GPC5: variants seen among roughly 807,000 people sequenced by gnomAD.
The protein encoded by GPC5 is glypican 5.
A neutral mutation model predicts 53.9 loss-of-function variants in GPC5; 47 were observed. That is an observed-to-expected ratio of 0.87 (90% CI 0.69 to 1.11). GPC5 has a LOEUF of 1.11. GPC5 is among the 50% of genes most tolerant of loss of function. GPC5 has a pLI of 0.00. For synonymous variants in GPC5, 286 were observed against 263.3 expected (o/e 1.09, Z -0.84); for missense variants, 748 against 713.1 (o/e 1.05, Z -0.56).
intron 7 of GPC5, among the ~76,000 whole-genome samples, chr13:92,407,633 A>G (rs1213296056): frequency 6.6e-6 from 1 of 152,178 alleles, no homozygotes; most frequent in Non-Finnish European, 1.5e-5. Flanking sequence ...ATATGTAGCT[A>G]TACATATGGT....
At chr13:92,694,616 G>A (rs895436541) in intron 7 of GPC5, among the ~76,000 whole-genome samples, 1 of 152,158 alleles carries the variant, frequency 6.6e-6, no homozygotes, top group South Asian at 2.1e-4. Flanking sequence ...TTTACCCGGT[G>A]CCTGTACCCA....
At chr13:92,763,796 G>T (rs1400821496) in intron 7 of GPC5, among the ~76,000 whole-genome samples, 1 of 152,172 alleles carries the variant, frequency 6.6e-6, no homozygotes, top group Admixed American at 6.5e-5. Flanking sequence ...GTGGGAGAAG[G>T]ACACAGCACT....
intron 6 of GPC5, among the ~76,000 whole-genome samples, chr13:91,921,895 T>C (rs527988995): frequency 6.6e-6 from 1 of 152,098 alleles, no homozygotes; most frequent in East Asian, 1.9e-4. Context: ...CTTTTGAGCC[T>C]AGGAGTTCAA....
At chr13:91,727,551 G>T (rs571573068) in intron 3 of GPC5, among the ~76,000 whole-genome samples, 1 of 151,890 alleles carries the variant, frequency 6.6e-6, no homozygotes, top group African/African-American at 2.4e-5. Flanking sequence ...AATAAATATG[G>T]GTAAAATAAA....
chr13:91,606,440 G>C (rs2033370298), intron 2 of GPC5, among the ~76,000 whole-genome samples: 1 of 151,066 alleles, frequency 6.6e-6, no homozygotes, highest in Non-Finnish European at 1.5e-5. Flanking sequence ...TCTCTGCCTG[G>C]CTTTGGTATC....
At chr13:91,875,484 A>G (rs1249921153) in intron 5 of GPC5, among the ~76,000 whole-genome samples, 2 of 152,216 alleles carry the variant, frequency 1.3e-5, no homozygotes, top group South Asian at 4.1e-4. Context: ...ATAATTTCAA[A>G]GAGAGATACT....
intron 7 of GPC5, among the ~76,000 whole-genome samples, chr13:92,254,464 G>A (rs1566505941): frequency 6.6e-6 from 1 of 152,100 alleles, no homozygotes; most frequent in Non-Finnish European, 1.5e-5. Flanking sequence ...GGAACAACTT[G>A]TACCAGAAAA....
At chr13:92,549,057 A>G (rs1594296151) in intron 7 of GPC5, among the ~76,000 whole-genome samples, 2 of 152,236 alleles carry the variant, frequency 1.3e-5, no homozygotes, top group African/African-American at 4.8e-5. Context: ...TTTTCTGGCT[A>G]TATTTAAAAT....
intron 6 of GPC5, among the ~76,000 whole-genome samples, chr13:91,925,935 G>C (rs1228095767): frequency 6.6e-6 from 1 of 152,128 alleles, no homozygotes; most frequent in Admixed American, 6.5e-5. Flanking sequence ...ACTTCAATTA[G>C]AATATAATTA....
chr13:91,584,582 A>C (rs1489450853), intron 2 of GPC5, among the ~76,000 whole-genome samples: 1 of 151,802 alleles, frequency 6.6e-6, no homozygotes, highest in Non-Finnish European at 1.5e-5. Flanking sequence ...AAAACCAAGA[A>C]CTTTTTTTTT....
At chr13:91,581,809 A>T (rs2032372527) in intron 2 of GPC5, among the ~76,000 whole-genome samples, 1 of 152,136 alleles carries the variant, frequency 6.6e-6, no homozygotes, top group Non-Finnish European at 1.5e-5. Context: ...ACACCCACAC[A>T]CACAAACACA....
intron 5 of GPC5, among the ~76,000 whole-genome samples, chr13:91,864,211 G>A (rs1594626212): frequency 6.6e-6 from 1 of 152,262 alleles, no homozygotes; most frequent in East Asian, 1.9e-4. Context: ...AATTTGATGG[G>A]CAAACTCAAT....
chr13:91,448,818 A>T lies in GPC5; in HGVS notation c.221A>T (p.Glu74Val). 1 of 1,613,750 alleles carries T rather than the reference A, an allele frequency of 6.2e-7. No homozygotes were observed. The highest frequency in any genetic ancestry group is 8.5e-7 in the Non-Finnish European group (1 of 1,179,778). The change falls in exon 2 of 8, where the codon GAG (glutamate) becomes GTG (valine). Residue 74 changes from glutamate to valine, a missense_variant. By Grantham distance (121) the Glu-to-Val change is moderately radical. Coordinates refer to ENST00000377067, the MANE Select transcript of GPC5 (RefSeq NM_004466.6). ...KKPTCCTRKM[E>V]ERYQIAARQD... ...CCTACATGTTGCACCAGGAAGATGGAGGAGAGATATCAGATTGCGGCTCGC... is the reference window on the plus strand; with the variant it reads ...CCTACATGTTGCACCAGGAAGATGGTGGAGAGATATCAGATTGCGGCTCGC...
At chr13:91,660,030 T>G (rs1388632435) in intron 2 of GPC5, among the ~76,000 whole-genome samples, 1 of 152,066 alleles carries the variant, frequency 6.6e-6, no homozygotes, top group Non-Finnish European at 1.5e-5. Context: ...AGGCTTCAGG[T>G]TGTTAGAGGC....
chr13:91,763,621 G>T (rs768313509), intron 5 of GPC5, among the ~76,000 whole-genome samples: 14 of 152,148 alleles, frequency 9.2e-5, no homozygotes, highest in Admixed American at 1.3e-4. Context: ...GACAAATCCA[G>T]GTATGGCTGA....
intron 2 of GPC5, among the ~76,000 whole-genome samples, chr13:91,609,231 A>G (rs1223358702): frequency 6.6e-6 from 1 of 151,630 alleles, no homozygotes; most frequent in African/African-American, 2.4e-5. Context: ...GCTGTATCAT[A>G]TTAGGTGCCA....
intron 7 of GPC5, among the ~76,000 whole-genome samples, chr13:92,527,108 AAAAGAAAGAAAGAAAGAAAGAAAG>A (rs58356455): frequency 0.012 from 452 of 39,022 alleles, 16 homozygotes; most frequent in Middle Eastern, 0.033. Context: ...AAAGAAAGAA[AAAAGAAAGAAAGAAAGAAAGAAAG>A]AAAGAAAGAA....
At chr13:92,404,666 A>C (rs1875716114) in intron 7 of GPC5, among the ~76,000 whole-genome samples, 1 of 132,060 alleles carries the variant, frequency 7.6e-6, no homozygotes, top group Admixed American at 7.9e-5. Flanking sequence ...TACAGAAGGA[A>C]ACTGAGGCCT....
chr13:92,028,570 T>C (rs2040818049), intron 6 of GPC5, among the ~76,000 whole-genome samples: 1 of 152,218 alleles, frequency 6.6e-6, no homozygotes. Flanking sequence ...TTTCACTGAA[T>C]CATTTATCAT....
Sources: gnomAD v4.1 joint callset for allele counts (sites outside exome capture counted in the v4.1 genomes callset) on GRCh38, gnomAD v4.1.1 for gene constraint, MANE v1.5 for transcripts, NCBI Gene and HGNC (gene_info 2026-07-23, HGNC 2026-07-21) for gene names.